The following PARD3 variants were observed in gnomAD, a reference collection of about 807,000 sequenced individuals.
PARD3 encodes partitioning defective 3 homolog.
Under a neutral mutation model 155.4 loss-of-function variants are expected in PARD3, and 75 were observed. The observed-to-expected ratio is 0.48, with a 90% CI of 0.40 to 0.58. The LOEUF (loss-of-function observed/expected upper bound fraction) is 0.58. Ranked by LOEUF, PARD3 falls within the 20% of genes least tolerant of loss-of-function variation. The pLI is 0.00. For synonymous variants in PARD3, 576 were observed against 610.5 expected (o/e 0.94, Z 0.83); for missense variants, 1,642 against 1,721.7 (o/e 0.95, Z 0.82).
rs140299322 is a variant in PARD3, at chr10:34,725,516, T to C, written c.121-29097A>G. ...GCATTCAGTCACTGCTAAGTATTCG[T>C]TGCCATTCTGATAAGCCAGGATTTT... On this transcript the variant is annotated intron_variant, in intron 1 of 24. Transcript: ENST00000374788. Among the ~76,000 whole-genome samples the C allele has an allele frequency of 3.8e-3, 575 of 152,258 alleles. 3 individuals carry two copies. Among genetic ancestry groups the C allele is most frequent in the African/African-American group, 0.013 (547 of 41,532 alleles).
chr10:34,577,434 A>C (rs1483665427), intron 2 of PARD3, among the ~76,000 whole-genome samples: 1 of 152,196 alleles, frequency 6.6e-6, no homozygotes, highest in South Asian at 2.1e-4. Flanking sequence ...TGCCCAAGAG[A>C]CCTTGCACCG....
At chr10:34,454,004 T>TG (rs1257046579) in intron 4 of PARD3, among the ~76,000 whole-genome samples, 1 of 152,356 alleles carries the variant, frequency 6.6e-6, no homozygotes, top group East Asian at 1.9e-4. Context: ...GTAAAATCAA[T>TG]GATGAATCCA....
chr10:34,708,475 G>A (rs2094401430), intron 1 of PARD3, among the ~76,000 whole-genome samples: 1 of 152,128 alleles, frequency 6.6e-6, no homozygotes. Context: ...GTCATTTTTT[G>A]AGGAAATGTA....
At chr10:34,298,440 C>T (rs1241160253) in intron 20 of PARD3, among the ~76,000 whole-genome samples, 1 of 152,186 alleles carries the variant, frequency 6.6e-6, no homozygotes, top group East Asian at 1.9e-4. Context: ...TCCTGACACA[C>T]ACTACAACAC....
chr10:34,626,419 T>TC (rs759964390), intron 2 of PARD3, among the ~76,000 whole-genome samples: 9 of 152,164 alleles, frequency 5.9e-5, no homozygotes, highest in Non-Finnish European at 1.3e-4. Context: ...CTGACTCTCA[T>TC]CCCCTCTCTG....
chr10:34,637,740 C>T (rs963505391), intron 2 of PARD3, among the ~76,000 whole-genome samples: 1 of 152,056 alleles, frequency 6.6e-6, no homozygotes, highest in African/African-American at 2.4e-5. Flanking sequence ...TGCATCAGGC[C>T]GGCAGTTTGG....
At chr10:34,636,467 G>A (rs1490122341) in intron 2 of PARD3, among the ~76,000 whole-genome samples, 3 of 152,166 alleles carry the variant, frequency 2.0e-5, no homozygotes, top group Non-Finnish European at 4.4e-5. Flanking sequence ...CACAAAGGCC[G>A]CTGGCGAGAG....
intron 22 of PARD3, among the ~76,000 whole-genome samples, chr10:34,254,889 G>C (rs1954573408): frequency 6.6e-6 from 1 of 152,106 alleles, no homozygotes; most frequent in African/African-American, 2.4e-5. Context: ...AGACAGATGT[G>C]TACAAGAACT....
At chr10:34,232,281 A>G (rs1952973588) in intron 22 of PARD3, among the ~76,000 whole-genome samples, 1 of 152,096 alleles carries the variant, frequency 6.6e-6, no homozygotes, top group Non-Finnish European at 1.5e-5. Flanking sequence ...CAATTTTATG[A>G]CCCTATCTAT....
chr10:34,393,913 C>T lies in PARD3; in HGVS notation c.890+5417G>A, dbSNP rs954065959. ...AGTGCAGTGGCGCGATCTCAGCTCA[C>T]TGCAACCTCCACCTCCTGGGTTCAA... On this transcript the variant is annotated intron_variant, in intron 7 of 24. Transcript: ENST00000374788. 4.0e-5 allele frequency among the ~76,000 whole-genome samples: 6 copies of T among 150,076 alleles called. No homozygotes were observed. In the Admixed American group the frequency reaches 4.0e-4, roughly 10 times the overall value.
At chr10:34,707,350 T>G (rs1221155554) in intron 1 of PARD3, among the ~76,000 whole-genome samples, 3 of 152,126 alleles carry the variant, frequency 2.0e-5, no homozygotes, top group Non-Finnish European at 4.4e-5. Context: ...CATCATGATT[T>G]AAAGTGGTGG....
At chr10:34,349,274 T>C (rs1186680366) in intron 14 of PARD3, among the ~76,000 whole-genome samples, 2 of 152,144 alleles carry the variant, frequency 1.3e-5, no homozygotes, top group South Asian at 2.1e-4. Context: ...TTTCGAATTG[T>C]AGACTTATCT....
rs377094946 is a variant in PARD3 at position 34,697,766 on chromosome 10, A to AACAC, written c.121-1351_121-1348dup. 3.3e-3 allele frequency among the ~76,000 whole-genome samples: 483 copies of AACAC among 146,530 alleles called. 3 individuals carry two copies. The highest frequency in any genetic ancestry group is 0.01 in the African/African-American group (399 of 38,194). ...ACACAGAGAGTAAGTTTGTAAAACA[A>AACAC]ACACTCACACACACACACACACACA... On this transcript the variant is annotated intron_variant, in intron 1 of 24. Coordinates refer to ENST00000374788, the MANE Select transcript of PARD3 (RefSeq NM_001184785.2).
intron 2 of PARD3, among the ~76,000 whole-genome samples, chr10:34,599,091 C>A (rs2089544336): frequency 6.6e-6 from 1 of 152,140 alleles, no homozygotes; most frequent in Non-Finnish European, 1.5e-5. Context: ...ACAACCATCA[C>A]CCGTCTCTCC....
intron 22 of PARD3, among the ~76,000 whole-genome samples, chr10:34,250,478 C>A (rs1954239406): frequency 6.6e-6 from 1 of 152,236 alleles, no homozygotes; most frequent in Non-Finnish European, 1.5e-5. Flanking sequence ...TAAAACAACT[C>A]AAATGCATTC....
chr10:34,184,937 G>A (rs1285694599), intron 22 of PARD3, among the ~76,000 whole-genome samples: 1 of 152,160 alleles, frequency 6.6e-6, no homozygotes, highest in African/African-American at 2.4e-5. Flanking sequence ...TTTGAGTGAT[G>A]ACATTCTGCT....
chr10:34,714,709 AGATCACAG>A (rs1427929999), intron 1 of PARD3, among the ~76,000 whole-genome samples: 1 of 152,178 alleles, frequency 6.6e-6, no homozygotes, highest in African/African-American at 2.4e-5. Flanking sequence ...GATTTCCATA[AGATCACAG>A]GGTGCTCCTG....
chr10:34,306,218 T>TTGC (rs33964210), intron 20 of PARD3, among the ~76,000 whole-genome samples: 57,230 of 149,806 alleles, frequency 0.38, 12,683 homozygotes, highest in South Asian at 0.53. Context: ...GAGGCAGAGG[T>TTGC]TGCAGTGGGC....
At chr10:34,491,889 A>C (rs1303390593) in intron 3 of PARD3, among the ~76,000 whole-genome samples, 1 of 152,218 alleles carries the variant, frequency 6.6e-6, no homozygotes, top group Non-Finnish European at 1.5e-5. Context: ...CAACAAGCAC[A>C]GATAGAACCA....
Sources: gnomAD v4.1 joint callset for allele counts (sites outside exome capture counted in the v4.1 genomes callset) on GRCh38, gnomAD v4.1.1 for gene constraint, MANE v1.5 for transcripts, NCBI Gene and HGNC (gene_info 2026-07-23, HGNC 2026-07-21) for gene names.